Variants in RNF150 observed in about 807,000 individuals in gnomAD.
RNF150 encodes the protein ring finger protein 150.
Under a neutral mutation model 39.3 loss-of-function variants are expected in RNF150, and 24 were observed. The observed-to-expected ratio is 0.61, with a 90% CI of 0.44 to 0.86. The LOEUF (loss-of-function observed/expected upper bound fraction) is 0.86. Among genes scored for constraint, RNF150 ranks in the 40% least tolerant of loss-of-function variants. RNF150 has a pLI of 0.00. For missense variants in RNF150, 502 were observed against 587.8 expected, an observed-to-expected ratio of 0.85 and a Z score of 1.51; for synonymous variants, 255 against 227.3, an observed-to-expected ratio of 1.12 and a Z score of -1.10.
intron 6 of RNF150, among the ~76,000 whole-genome samples, chr4:140,871,098 A>G (rs1385423793): frequency 6.6e-6 from 1 of 152,000 alleles, no homozygotes; most frequent in East Asian, 1.9e-4. Flanking sequence ...AGCATCTGCT[A>G]TTAGTAACTG....
At chr4:140,893,274 A>C (rs1392293036) in intron 6 of RNF150, among the ~76,000 whole-genome samples, 1 of 152,204 alleles carries the variant, frequency 6.6e-6, no homozygotes, top group Non-Finnish European at 1.5e-5. Context: ...ATTTTGCAAG[A>C]CTGCATCTCT....
At chr4:141,208,816 CA>C (rs1275751019) in intron 1 of RNF150, among the ~76,000 whole-genome samples, 1 of 152,056 alleles carries the variant, frequency 6.6e-6, no homozygotes, top group Non-Finnish European at 1.5e-5. Context: ...GGGTCAGAGA[CA>C]AAAGACTTCA....
intron 1 of RNF150, among the ~76,000 whole-genome samples, chr4:141,017,929 T>C (rs1218350211): frequency 4.6e-5 from 7 of 152,188 alleles, no homozygotes; most frequent in Non-Finnish European, 1.0e-4. Flanking sequence ...TGCCTCCAAG[T>C]TTTGGCAATT....
intron 1 of RNF150, among the ~76,000 whole-genome samples, chr4:141,068,294 T>A (rs1737543413): frequency 1.3e-5 from 2 of 152,202 alleles, no homozygotes; most frequent in Admixed American, 1.3e-4. Context: ...ACTCAAATTA[T>A]ATAGCAAGTT....
chr4:140,992,939 G>A (rs1376082761), intron 1 of RNF150, among the ~76,000 whole-genome samples: 1 of 152,096 alleles, frequency 6.6e-6, no homozygotes, highest in African/African-American at 2.4e-5. Context: ...CCCGAGAGCA[G>A]AGCAGCAGGT....
chr4:141,024,902 T>C (rs1364403119), intron 1 of RNF150, among the ~76,000 whole-genome samples: 1 of 152,196 alleles, frequency 6.6e-6, no homozygotes, highest in Non-Finnish European at 1.5e-5. Context: ...CCATGTCTTT[T>C]ACTCTAGGTC....
chr4:141,177,054 GAAAAA>G (rs5862514), intron 1 of RNF150, among the ~76,000 whole-genome samples: 4 of 111,700 alleles, frequency 3.6e-5, no homozygotes, highest in Admixed American at 1.0e-4. Flanking sequence ...TGTCTCCTAG[GAAAAA>G]AAAAAAAAAA....
chr4:140,871,092 T>C (rs531179701), intron 6 of RNF150, among the ~76,000 whole-genome samples: 19 of 152,270 alleles, frequency 1.2e-4, no homozygotes, highest in African/African-American at 3.6e-4. Context: ...TATTCTAGCA[T>C]CTGCTATTAG....
chr4:141,199,787 T>C (rs1001559807), intron 1 of RNF150, among the ~76,000 whole-genome samples: 4 of 152,204 alleles, frequency 2.6e-5, no homozygotes, highest in African/African-American at 4.8e-5. Context: ...CATAGGACTA[T>C]ATACAACAGA....
intron 1 of RNF150, among the ~76,000 whole-genome samples, chr4:141,200,830 C>T (rs886499461): frequency 2.0e-5 from 3 of 152,130 alleles, no homozygotes; most frequent in Non-Finnish European, 4.4e-5. Flanking sequence ...GAAGAACCTT[C>T]GTTTTCAGTT....
At chr4:141,025,012 G>T (rs980531027) in intron 1 of RNF150, among the ~76,000 whole-genome samples, 3 of 152,142 alleles carry the variant, frequency 2.0e-5, no homozygotes, top group African/African-American at 7.2e-5. Flanking sequence ...TGTATTGTGT[G>T]AATCAAGTTT....
At chr4:141,114,961 C>T (rs1391745121) in intron 1 of RNF150, among the ~76,000 whole-genome samples, 1 of 152,158 alleles carries the variant, frequency 6.6e-6, no homozygotes, top group Non-Finnish European at 1.5e-5. Context: ...GATAAAAACA[C>T]TCAATAAACT....
chr4:141,080,249 T>A (rs376437049), intron 1 of RNF150, among the ~76,000 whole-genome samples: 2 of 152,356 alleles, frequency 1.3e-5, no homozygotes, highest in Non-Finnish European at 1.5e-5. Flanking sequence ...CTTCTTTTTG[T>A]AATCTCTGAA....
intron 1 of RNF150, among the ~76,000 whole-genome samples, chr4:141,078,649 G>T (rs1738005646): frequency 6.6e-6 from 1 of 151,058 alleles, no homozygotes; most frequent in Non-Finnish European, 1.5e-5. Flanking sequence ...AATTAGCCGG[G>T]CGCGGTGGCA....
At chr4:140,938,965 C>G (rs1425426) in intron 4 of RNF150, among the ~76,000 whole-genome samples, 87,788 of 151,956 alleles carry the variant, frequency 0.58, 26,011 homozygotes, top group Non-Finnish European at 0.64. Flanking sequence ...AATGTTGTGT[C>G]AATTCTCGAC....
chr4:141,084,195 G>A (rs1312626786), intron 1 of RNF150, among the ~76,000 whole-genome samples: 1 of 152,022 alleles, frequency 6.6e-6, no homozygotes. Flanking sequence ...CCGTTTCCAC[G>A]ACCTTGAGTA....
chr4:141,159,714 T>A (rs1346650316), intron 1 of RNF150, among the ~76,000 whole-genome samples: 2 of 152,104 alleles, frequency 1.3e-5, no homozygotes, highest in African/African-American at 4.8e-5. Context: ...GGCTAATTTT[T>A]GTATTTTTTG....
chr4:140,939,732 A>G (rs535647978), intron 4 of RNF150, among the ~76,000 whole-genome samples: 1 of 151,612 alleles, frequency 6.6e-6, no homozygotes, highest in African/African-American at 2.4e-5. Flanking sequence ...GACAGTTTGC[A>G]AGCTGCTATA....
intron 1 of RNF150, among the ~76,000 whole-genome samples, chr4:141,155,882 T>C (rs1727386545): frequency 6.6e-6 from 1 of 151,738 alleles, no homozygotes; most frequent in Non-Finnish European, 1.5e-5. Flanking sequence ...GCAGAGCAAG[T>C]CTTTCAAAAG....
Sources: allele counts gnomAD v4.1 joint callset (sites outside exome capture counted in the v4.1 genomes callset), GRCh38; gene constraint gnomAD v4.1.1; transcripts MANE v1.5; gene names NCBI Gene and HGNC (gene_info 2026-07-23, HGNC 2026-07-21).